FGF13: variants seen among roughly 807,000 people sequenced by gnomAD.
FGF13 encodes the protein fibroblast growth factor homologous factor 2.
A neutral mutation model predicts 19.5 loss-of-function variants in FGF13; 2 were observed. The observed-to-expected ratio is 0.10, with a 90% CI of 0.04 to 0.32. The LOEUF (loss-of-function observed/expected upper bound fraction) is 0.32. Among genes scored for constraint, FGF13 ranks in the 10% least tolerant of loss-of-function variants. The probability of loss-of-function intolerance (pLI) is 1.00; values close to 1 mark genes in which losing one functional copy is unlikely to be tolerated. For synonymous variants in FGF13, 72 were observed against 76.9 expected, an observed-to-expected ratio of 0.94 and a Z score of 0.33; for missense variants, 113 against 192.7, an observed-to-expected ratio of 0.59 and a Z score of 2.45.
rs771761036 is a variant in FGF13, at chrX:138,868,913, C to T, written c.-112-4263G>A. On this transcript the variant is annotated intron_variant, in intron 1 of 2. Transcript: ENST00000421460. Reference sequence around the variant, plus strand: ...TCCCTGCCTCACGAAGACCCCACCCCAGGCTCAGTTGACCGCTAGGAATTC... The same window carrying T: ...TCCCTGCCTCACGAAGACCCCACCCTAGGCTCAGTTGACCGCTAGGAATTC... Among the ~76,000 whole-genome samples the T allele has an allele frequency of 4.5e-5, 5 of 110,934 alleles. No individual in the cohort carries two copies. In the South Asian group the frequency reaches 1.9e-3, roughly 43 times the overall value.
At chrX:139,110,387 G>A (rs1054860434) in intron 1 of FGF13, among the ~76,000 whole-genome samples, 8 of 110,111 alleles carry the variant, frequency 7.3e-5, no homozygotes, top group Non-Finnish European at 1.5e-4. Context: ...GAGGGACCCG[G>A]TGGAAGATAA....
intron 3 of FGF13, among the ~76,000 whole-genome samples, chrX:138,809,009 CAG>C (rs767395143): frequency 9.0e-6 from 1 of 111,649 alleles, no homozygotes; most frequent in Non-Finnish European, 1.9e-5. Flanking sequence ...CGAATTCTAC[CAG>C]AGTTACAAGG....
intron 3 of FGF13, among the ~76,000 whole-genome samples, chrX:138,787,805 GTCT>G (rs1202590550): frequency 1.8e-5 from 2 of 108,732 alleles, no homozygotes; most frequent in African/African-American, 3.4e-5. Flanking sequence ...TGAGAACACT[GTCT>G]TCTTCTTATA....
intron 1 of FGF13, among the ~76,000 whole-genome samples, chrX:139,140,203 T>C (rs1371550199): frequency 9.0e-6 from 1 of 111,478 alleles, no homozygotes; most frequent in Non-Finnish European, 1.9e-5. Flanking sequence ...TCACATTTCA[T>C]AGGAATTTCC....
At chrX:138,660,945 G>A (rs2089484898) in intron 3 of FGF13, among the ~76,000 whole-genome samples, 1 of 111,593 alleles carries the variant, frequency 9.0e-6, no homozygotes, top group African/African-American at 3.3e-5. Context: ...TAACTAGGAA[G>A]TTTCATTTCT....
intron 1 of FGF13, among the ~76,000 whole-genome samples, chrX:138,964,793 G>C (rs1569431802): frequency 9.0e-6 from 1 of 110,944 alleles, no homozygotes; most frequent in Non-Finnish European, 1.9e-5. Flanking sequence ...AGCTCTTGCA[G>C]GTAGCTAATA....
chrX:139,092,483 A>T (rs1300912640), intron 1 of FGF13, among the ~76,000 whole-genome samples: 2 of 112,333 alleles, frequency 1.8e-5, no homozygotes, highest in African/African-American at 6.5e-5. Flanking sequence ...AACAGCCCTT[A>T]AACTGTGATC....
At chrX:138,875,008 G>A (rs1020696076) in intron 1 of FGF13, among the ~76,000 whole-genome samples, 10 of 110,443 alleles carry the variant, frequency 9.1e-5, no homozygotes, top group African/African-American at 2.3e-4. Flanking sequence ...TTGGGAGGCC[G>A]AGGCGGGCGG....
chrX:138,718,251 A>G (rs1442510714), intron 1 of FGF13, among the ~76,000 whole-genome samples: 1 of 112,282 alleles, frequency 8.9e-6, no homozygotes, highest in Non-Finnish European at 1.9e-5. Flanking sequence ...CAGGCTAAAA[A>G]TGTACAAGAA....
intron 1 of FGF13, among the ~76,000 whole-genome samples, chrX:138,934,148 C>T (rs370367996): frequency 1.8e-5 from 2 of 111,880 alleles, no homozygotes; most frequent in Non-Finnish European, 3.8e-5. Context: ...AAGAACTCTG[C>T]AAAGTTCTCT....
At chrX:138,639,663 A>T (rs2089226663) in intron 3 of FGF13, among the ~76,000 whole-genome samples, 1 of 111,759 alleles carries the variant, frequency 8.9e-6, no homozygotes, top group African/African-American at 3.3e-5. Context: ...TTTCTCTTGC[A>T]GTTCAATGTT....
chrX:138,915,552 T>A (rs1339738058), intron 1 of FGF13, among the ~76,000 whole-genome samples: 1 of 111,640 alleles, frequency 9.0e-6, no homozygotes, highest in Non-Finnish European at 1.9e-5. Flanking sequence ...AAATGGGGAA[T>A]GAAGGGGTGT....
intron 1 of FGF13, among the ~76,000 whole-genome samples, chrX:139,145,765 G>T (rs58277599): frequency 0.063 from 6,932 of 110,668 alleles, 418 homozygotes; most frequent in African/African-American, 0.18. Flanking sequence ...AGCTTTCCTA[G>T]ATCCCAACAC....
At chrX:138,637,481 C>T (rs1207716559) in intron 3 of FGF13, among the ~76,000 whole-genome samples, 1 of 112,138 alleles carries the variant, frequency 8.9e-6, no homozygotes, top group Admixed American at 9.4e-5. Context: ...TACCAAATAG[C>T]CACATAAACA....
chrX:139,153,484 C>G (rs1321405396), intron 1 of FGF13, among the ~76,000 whole-genome samples: 2 of 111,039 alleles, frequency 1.8e-5, no homozygotes, highest in African/African-American at 3.3e-5. Flanking sequence ...AAGAAATGGG[C>G]TACAATTTCT....
At chrX:138,668,770 G>A (rs1490265050) in intron 3 of FGF13, among the ~76,000 whole-genome samples, 1 of 110,746 alleles carries the variant, frequency 9.0e-6, no homozygotes. Flanking sequence ...TAGTGATGGT[G>A]TAGAACAGAG....
chrX:139,136,209 T>C (rs1163520630), intron 1 of FGF13, among the ~76,000 whole-genome samples: 1 of 111,694 alleles, frequency 9.0e-6, no homozygotes, highest in Non-Finnish European at 1.9e-5. Context: ...CAATATATTT[T>C]TTTATTTAAA....
chrX:139,043,224 G>C (rs916455357), intron 1 of FGF13, among the ~76,000 whole-genome samples: 1 of 110,281 alleles, frequency 9.1e-6, no homozygotes, highest in Non-Finnish European at 1.9e-5. Flanking sequence ...AATATTTTTT[G>C]GGGTGGGGAT....
intron 1 of FGF13, among the ~76,000 whole-genome samples, chrX:138,893,637 A>G (rs2091488614): frequency 9.0e-6 from 1 of 111,424 alleles, no homozygotes. Flanking sequence ...CTTAAGGGTA[A>G]GGAAAAAAAA....
Sources: gnomAD v4.1 joint callset for allele counts (sites outside exome capture counted in the v4.1 genomes callset) on GRCh38, gnomAD v4.1.1 for gene constraint, MANE v1.5 for transcripts, NCBI Gene and HGNC (gene_info 2026-07-23, HGNC 2026-07-21) for gene names.